The following SNX30 variants were observed in gnomAD, a reference collection of about 807,000 sequenced individuals.
SNX30 encodes sorting nexin-30.
A neutral mutation model predicts 46.4 loss-of-function variants in SNX30; 24 were observed. That is an observed-to-expected ratio of 0.52 (90% CI 0.37 to 0.73). The LOEUF is 0.73. Among genes scored for constraint, SNX30 ranks in the 30% least tolerant of loss-of-function variants. The pLI is 0.00. For missense variants in SNX30, 533 were observed against 555.7 expected, an observed-to-expected ratio of 0.96 and a Z score of 0.41; for synonymous variants, 189 against 211.5, an observed-to-expected ratio of 0.89 and a Z score of 0.92.
intron 2 of SNX30, among the ~76,000 whole-genome samples, chr9:112,809,872 T>A (rs955731546): frequency 7.9e-5 from 12 of 151,968 alleles, no homozygotes; most frequent in African/African-American, 2.9e-4. Flanking sequence ...GGGAGGCTTT[T>A]TTTTTTGGAC....
chr9:112,785,380 T>C (rs1170835765), intron 1 of SNX30, among the ~76,000 whole-genome samples: 1 of 95,298 alleles, frequency 1.0e-5, no homozygotes, highest in Non-Finnish European at 2.1e-5. Context: ...CATGCCTGGC[T>C]AAGTTTTTTT....
intron 2 of SNX30, among the ~76,000 whole-genome samples, 159 bp from the exon 3 acceptor site, chr9:112,817,546 T>C (rs1301704207): frequency 6.6e-6 from 1 of 151,848 alleles, no homozygotes; most frequent in Non-Finnish European, 1.5e-5. Flanking sequence ...CCCAGACTGG[T>C]CTATTCTGTG....
chr9:112,875,187 T>A (rs1488853352), downstream of SNX30: 1 of 152,204 alleles, frequency 6.6e-6, no homozygotes, highest in Non-Finnish European at 1.5e-5. Flanking sequence ...TACCCTCAAT[T>A]TACCCTCTTC....
At chr9:112,787,256 A>G (rs1174715716) in intron 1 of SNX30, among the ~76,000 whole-genome samples, 7 of 152,228 alleles carry the variant, frequency 4.6e-5, no homozygotes, top group East Asian at 1.9e-4. Context: ...TGAGTGCCAC[A>G]AAACTAGTAC....
At position 112,868,931 on chromosome 9, in the gene SNX30, C is replaced by A; in HGVS notation, c.*88C>A. On this transcript the variant is annotated 3_prime_UTR_variant, in exon 9 of 9. Transcript: ENST00000374232. The stretch of plus-strand genomic sequence containing the variant: ...TCCCTGCAGTGCCAGAGACGCAGTG[C>A]TGGGAAAACAACCACAGAAACATCT... 1 of 1,288,640 alleles carries A rather than the reference C, an allele frequency of 7.8e-7. No individual in the cohort carries two copies. The highest frequency in any genetic ancestry group is 1.5e-5 in the African/African-American group (1 of 68,586). The allele number at this position is 1,288,640 out of a possible 1,614,324, so 79.8% of individuals were successfully genotyped here.
chr9:112,773,172 A>G (rs1438300333), intron 1 of SNX30, among the ~76,000 whole-genome samples: 10 of 152,190 alleles, frequency 6.6e-5, no homozygotes, highest in Admixed American at 6.5e-4. Context: ...GAGTTGGCCA[A>G]GGGAGTTCTA....
intron 1 of SNX30, among the ~76,000 whole-genome samples, chr9:112,797,350 T>C (rs972747441): frequency 6.6e-6 from 1 of 152,206 alleles, no homozygotes. Flanking sequence ...TAGAAAATTT[T>C]AAGCATATAG....
At chr9:112,766,913 G>T (rs1839547251) in intron 1 of SNX30, among the ~76,000 whole-genome samples, 1 of 152,186 alleles carries the variant, frequency 6.6e-6, no homozygotes, top group Non-Finnish European at 1.5e-5. Context: ...ATGCTGCAAT[G>T]AACATGGTTA....
Position 112,868,902 on chromosome 9 carries a change from A to C in SNX30, c.*59A>C. 6.5e-7 allele frequency: 1 copy of C among 1,538,926 alleles called. No individual in the cohort carries two copies. ...CACAGGGCCTGGCACCCTATACCGG[A>C]ATGTCCCTGCAGTGCCAGAGACGCA... On this transcript the variant is annotated 3_prime_UTR_variant, in exon 9 of 9. Transcript: ENST00000374232.
chr9:112,778,952 G>A (rs540364499), intron 1 of SNX30, among the ~76,000 whole-genome samples: 1 of 152,332 alleles, frequency 6.6e-6, no homozygotes, highest in East Asian at 1.9e-4. Flanking sequence ...GAAGTTGGTT[G>A]AGAAAGAACA....
intron 4 of SNX30, among the ~76,000 whole-genome samples, chr9:112,832,489 T>TGAGAGAGA (rs1483192667): frequency 2.9e-5 from 4 of 136,006 alleles, no homozygotes; most frequent in Non-Finnish European, 1.5e-5. Context: ...TGTGTGTGTG[T>TGAGAGAGA]GTGTGTGAGA....
In SNX30 at chr9:112,871,845, A is replaced by T. The variant is rs935628924; in HGVS notation, c.*3002A>T. On this transcript the variant is annotated 3_prime_UTR_variant, in exon 9 of 9. Coordinates refer to ENST00000374232, the MANE Select transcript of SNX30 (RefSeq NM_001012994.2). ...TGTGGTAGATCTACACGAACATTCTAGGCTGTTCTGCTCAGAGCGAGGAAC... is the reference window on the plus strand; with the variant it reads ...TGTGGTAGATCTACACGAACATTCTTGGCTGTTCTGCTCAGAGCGAGGAAC... The T allele has an allele frequency of 6.6e-6, 1 of 152,200 alleles. No individual in the cohort carries two copies. The highest frequency in any genetic ancestry group is 2.4e-5 in the African/African-American group (1 of 41,438). 9.4% of individuals were successfully genotyped at this position (152,200 alleles called of 1,614,324 possible). A position where few individuals can be genotyped will look rare whatever the true frequency, so the allele number is the denominator to read the frequency against.
chr9:112,864,121 G>A lies in SNX30; in HGVS notation c.1102-126G>A. 3.0e-6 allele frequency: 3 copies of A among 998,830 alleles called. No homozygotes were observed. The South Asian group carries it at 4.7e-5, about 16-fold the overall frequency. The allele number at this position is 998,830 out of a possible 1,614,324, so 61.9% of individuals were successfully genotyped here. A position where few individuals can be genotyped will look rare whatever the true frequency, so the allele number is the denominator to read the frequency against. On this transcript the variant is annotated intron_variant, in intron 7 of 8. Transcript: ENST00000374232. ...TGCTTTCAAATAAATGCCTCCAGAGGAGGGAGCGTGTTGATAGCATTTTAA... is the reference window on the plus strand; with the variant it reads ...TGCTTTCAAATAAATGCCTCCAGAGAAGGGAGCGTGTTGATAGCATTTTAA...
rs1554757350 is a variant in SNX30, at chr9:112,865,661, A to AATGTGTG, written c.1254+1262_1254+1263insATGTGTG. ...TATATATATATATATATATATATAT[A>AATGTGTG]TGTATGTATGTATGCACACACACAC... On this transcript the variant is annotated intron_variant, in intron 8 of 8. Transcript: ENST00000374232. Among the ~76,000 whole-genome samples the AATGTGTG allele has an allele frequency of 4.8e-3, 504 of 105,672 alleles. 19 individuals are homozygous for AATGTGTG. Among genetic ancestry groups the AATGTGTG allele is most frequent in the African/African-American group, 0.018 (487 of 26,336 alleles). The allele number at this position is 105,672 out of a possible 152,430, so 69.3% of individuals were successfully genotyped here.
chr9:112,835,664 A>T (rs746464833), intron 4 of SNX30, among the ~76,000 whole-genome samples: 1 of 152,112 alleles, frequency 6.6e-6, no homozygotes, highest in Admixed American at 6.5e-5. Context: ...GAAACTCAAC[A>T]TATTTCCAGT....
chr9:112,796,603 G>C lies in SNX30; in HGVS notation c.157-8173G>C, dbSNP rs145634318. Reference sequence around the variant, plus strand: ...GAAGCATAACGGAAGAGAAGCGGAGGGGGGAGGTCTATTGCCATGAGTACC... The same window carrying C: ...GAAGCATAACGGAAGAGAAGCGGAGCGGGGAGGTCTATTGCCATGAGTACC... On this transcript the variant is annotated intron_variant, in intron 1 of 8. Transcript: ENST00000374232. Among the ~76,000 whole-genome samples the C allele has an allele frequency of 1.3e-3, 193 of 152,320 alleles. 6 individuals are homozygous for C. In the East Asian group the frequency reaches 0.033, roughly 26 times the overall value.
rs772391272 is a variant in SNX30, at chr9:112,834,877, CA to C, written c.619-1336del. Among the ~76,000 whole-genome samples the C allele has an allele frequency of 3.6e-3, 299 of 82,816 alleles. 3 individuals carry two copies. The highest frequency in any genetic ancestry group is 0.023 in the East Asian group (43 of 1,862). The allele number at this position is 82,816 out of a possible 152,430, so 54.3% of individuals were successfully genotyped here. On this transcript the variant is annotated intron_variant, in intron 4 of 8. Transcript: ENST00000374232. ...ACACACACACACACACACACACACA[CA>C]CACACCTACCTCAATAGGAAAGGCT...
chr9:112,868,596 G>A (rs185699157), intron 8 of SNX30, among the ~76,000 whole-genome samples, 188 bp from the exon 9 acceptor site: 4 of 152,262 alleles, frequency 2.6e-5, no homozygotes, highest in Admixed American at 6.5e-5. Flanking sequence ...ATAAAGATGG[G>A]GTGACGCATT....
At chr9:112,788,095 C>T (rs749186861) in intron 1 of SNX30, among the ~76,000 whole-genome samples, 4 of 152,222 alleles carry the variant, frequency 2.6e-5, no homozygotes, top group Non-Finnish European at 2.9e-5. Context: ...GCTTTTGCAG[C>T]ACATCTGAGA....
Sources: allele counts gnomAD v4.1 joint callset (sites outside exome capture counted in the v4.1 genomes callset), GRCh38; gene constraint gnomAD v4.1.1; transcripts MANE v1.5; gene names NCBI Gene and HGNC (gene_info 2026-07-23, HGNC 2026-07-21).